Variants in VWA5A observed in about 807,000 individuals in gnomAD.
The protein encoded by VWA5A is von Willebrand factor A domain-containing protein 5A.
In VWA5A, 77 loss-of-function variants were observed where a neutral mutation model predicts 84.6. The ratio of observed to expected loss-of-function variants is 0.91; its 90% CI spans 0.76 to 1.10. The LOEUF (loss-of-function observed/expected upper bound fraction) is 1.10, where lower values mean the gene tolerates loss of function less well. Ranked by LOEUF, VWA5A falls within the 50% of genes least tolerant of loss-of-function variation. The pLI, the probability that VWA5A is intolerant of heterozygous loss-of-function variation, is 0.00. For synonymous variants in VWA5A, 334 were observed against 350.1 expected (o/e 0.95, Z 0.51); for missense variants, 973 against 963.0 (o/e 1.01, Z -0.14).
intron 17 of VWA5A, among the ~76,000 whole-genome samples, chr11:124,144,582 T>G (rs991888295): frequency 3.3e-5 from 5 of 152,208 alleles, no homozygotes; most frequent in African/African-American, 1.2e-4. Flanking sequence ...TGATAGCCAT[T>G]TCCAAGTTTT....
intron 11 of VWA5A, among the ~76,000 whole-genome samples, chr11:124,134,324 A>G (rs1364543037): frequency 6.6e-6 from 1 of 152,212 alleles, no homozygotes. Context: ...TCTGTCTGTC[A>G]TGCCTTCCAA....
Position 124,118,617 on chromosome 11 carries a change from C to G in VWA5A, c.554C>G (p.Thr185Ser), listed in dbSNP as rs773210731. The G allele has an allele frequency of 6.8e-6, 11 of 1,614,032 alleles. No individual in the cohort carries two copies. The highest frequency in any genetic ancestry group is 1.1e-5 in the South Asian group (1 of 91,090). ...CCCTACACACTCAGCATGGTCGCCA[C>G]CATAGATTCCCAGCATGGCATTGAG... ...DLPYTLSMVA[T>S]IDSQHGIEKV... Residue 185 changes from threonine (T) to serine (S), a missense_variant, in exon 6 of 19, where the codon ACC becomes AGC. Transcript: ENST00000456829.
intron 14 of VWA5A, 102 bp from the exon 15 acceptor site, chr11:124,136,913 A>C: frequency 4.1e-6 from 6 of 1,463,890 alleles, no homozygotes; most frequent in Non-Finnish European, 5.5e-6. Flanking sequence ...CCCTTATCTG[A>C]CTTTATCTTA....
chr11:124,139,258 T>TGTGTGTG (rs1167473133), intron 15 of VWA5A, among the ~76,000 whole-genome samples: 1 of 151,476 alleles, frequency 6.6e-6, no homozygotes, highest in African/African-American at 2.4e-5. Context: ...TGTGTGTGTG[T>TGTGTGTG]TTTCTCAAGG....
At chr11:124,120,174 T>A (rs1259403190) in intron 7 of VWA5A, among the ~76,000 whole-genome samples, 1 of 152,202 alleles carries the variant, frequency 6.6e-6, no homozygotes, top group African/African-American at 2.4e-5. Flanking sequence ...AAGTTTAGCT[T>A]CTTAATAACT....
At position 124,136,910 on chromosome 11, in the gene VWA5A, C is replaced by A. The variant is rs1860607723; in HGVS notation, c.1626-105C>A. ...ACCCAAGTCTTCTCTCTCCCCTTAT[C>A]TGACTTTATCTTAACTCTTCTATTC... is the stretch of plus-strand genomic sequence containing the variant. On this transcript the variant is annotated intron_variant, in intron 14 of 18. Coordinates refer to ENST00000456829, the MANE Select transcript of VWA5A (RefSeq NM_001130142.2). 5 of 1,453,186 alleles carry A rather than the reference C, an allele frequency of 3.4e-6. No individual in the cohort carries two copies. In the African/African-American group the frequency reaches 4.3e-5, roughly 12 times the overall value. The allele number at this position is 1,453,186 out of a possible 1,614,324, so 90.0% of individuals were successfully genotyped here.
intron 7 of VWA5A, among the ~76,000 whole-genome samples, chr11:124,119,662 C>A (rs947561097): frequency 7.2e-5 from 11 of 152,126 alleles, no homozygotes; most frequent in African/African-American, 2.7e-4. Context: ...AGTAAGCAAT[C>A]AAAATGTCTC....
rs367813582 is a variant in VWA5A, at chr11:124,117,895, C to T, written c.246+20C>T. ...ATGAAGGTAGTAGAGATTACCTCCT[C>T]CCTTCTTATTACATTACCTCCTCCC... is the stretch of plus-strand genomic sequence containing the variant. On this transcript the variant is annotated intron_variant, in intron 4 of 18. Transcript: ENST00000456829. 6.2e-7 allele frequency: 1 copy of T among 1,611,888 alleles called. No homozygotes were observed. The highest frequency in any genetic ancestry group is 1.3e-5 in the African/African-American group (1 of 74,870).
chr11:124,135,995 T>A, intron 12 of VWA5A, 134 bp from the exon 13 acceptor site: 1 of 924,858 alleles, frequency 1.1e-6, no homozygotes, highest in Non-Finnish European at 1.6e-6. Flanking sequence ...ATAAAGCCCA[T>A]CTCCTAGAAT....
rs756187155 is a variant in VWA5A, at chr11:124,118,204, G to T, written c.262G>T (p.Glu88Ter). Residue 88 changes from glutamate (E) to a stop codon, truncating the protein, a stop_gained, in exon 5 of 19, where the codon GAG (glutamate) becomes TAG (stop). Transcript: ENST00000456829. LOFTEE classifies it high-confidence loss of function. The part of the protein sequence containing the change: ...QDKMKARTNY[E>*]KAISQGHQAF... ...TGCTTCTCAGGCCCGCACCAACTAT[G>T]AGAAAGCCATCTCCCAGGGCCACCA... is the stretch of plus-strand genomic sequence containing the variant. 1.9e-6 allele frequency: 3 copies of T among 1,613,976 alleles called. No homozygotes were observed. The South Asian group carries it at 3.3e-5, about 18-fold the overall frequency.
At chr11:124,124,389 C>A (rs749595518) in intron 11 of VWA5A, 73 bp downstream of exon 11, 3 of 1,536,018 alleles carry the variant, frequency 2.0e-6, no homozygotes, top group Non-Finnish European at 1.7e-6. Flanking sequence ...TACATGATGC[C>A]GGTGTTGACC....
At chr11:124,126,762 A>G (rs1421488391) in intron 11 of VWA5A, among the ~76,000 whole-genome samples, 3 of 152,034 alleles carry the variant, frequency 2.0e-5, no homozygotes, top group Non-Finnish European at 4.4e-5. Context: ...CCTTCTTGAA[A>G]AAAAAAAAAG....
At chr11:124,142,990 A>G (rs1419792512) in intron 17 of VWA5A, among the ~76,000 whole-genome samples, 7 of 152,224 alleles carry the variant, frequency 4.6e-5, no homozygotes, top group African/African-American at 1.7e-4. Context: ...CTGTTTATAG[A>G]TGAAGAAACT....
chr11:124,118,062 G>A (rs140332349), intron 4 of VWA5A, 127 bp from the exon 5 acceptor site: 20,930 of 1,273,594 alleles, frequency 0.016, 231 homozygotes, highest in South Asian at 0.022. Context: ...TCAATCAGAG[G>A]CATTCAGAGT....
intron 15 of VWA5A, among the ~76,000 whole-genome samples, chr11:124,139,759 C>G (rs1301087772): frequency 6.6e-6 from 1 of 151,786 alleles, no homozygotes; most frequent in Non-Finnish European, 1.5e-5. Flanking sequence ...TGTAGTTTAA[C>G]TTCCTCTTTT....
intron 12 of VWA5A, among the ~76,000 whole-genome samples, chr11:124,135,593 G>C (rs545754050): frequency 1.4e-4 from 20 of 140,600 alleles, no homozygotes; most frequent in Middle Eastern, 3.6e-3. Context: ...TGCAGTGGCG[G>C]GATCTCGGCT....
intron 11 of VWA5A, among the ~76,000 whole-genome samples, chr11:124,132,326 C>A (rs1565618989): frequency 6.6e-6 from 1 of 151,972 alleles, no homozygotes; most frequent in Admixed American, 6.6e-5. Flanking sequence ...GTTTTGATAT[C>A]AATTTTATGC....
rs1406667909 is a variant in VWA5A, at chr11:124,118,604, A to G, written c.541A>G (p.Ser181Gly). 2 of 1,614,214 alleles carry G rather than the reference A, an allele frequency of 1.2e-6. No individual in the cohort carries two copies. Among genetic ancestry groups the G allele is most frequent in the Non-Finnish European group, 8.5e-7 (1 of 1,180,028 alleles). ...VPVEDLPYTL[S>G]MVATIDSQHG... The stretch of plus-strand genomic sequence containing the variant: ...TGTGGAGGACCTGCCCTACACACTC[A>G]GCATGGTCGCCACCATAGATTCCCA... Residue 181 changes from serine (S) to glycine (G), a missense_variant, in exon 6 of 19, where the codon AGC becomes GGC. Coordinates refer to ENST00000456829, the MANE Select transcript of VWA5A (RefSeq NM_001130142.2).
At chr11:124,123,340 G>A (rs184726661) in intron 8 of VWA5A, 26 bp from the exon 9 acceptor site, 6 of 1,605,440 alleles carry the variant, frequency 3.7e-6, no homozygotes, top group African/African-American at 2.7e-5. Context: ...CTCTCACTCT[G>A]TCTCTTCATA....
Sources: gnomAD v4.1 joint callset for allele counts (sites outside exome capture counted in the v4.1 genomes callset) on GRCh38, gnomAD v4.1.1 for gene constraint, MANE v1.5 for transcripts, NCBI Gene and HGNC (gene_info 2026-07-23, HGNC 2026-07-21) for gene names.